The following BTBD1 variants were observed in gnomAD, a reference collection of about 807,000 sequenced individuals.
The protein encoded by BTBD1 is BTB/POZ domain-containing protein 1.
Under a neutral mutation model 48.0 loss-of-function variants are expected in BTBD1, and 34 were observed. The ratio of observed to expected loss-of-function variants is 0.71; its 90% confidence interval spans 0.54 to 0.94. The LOEUF (loss-of-function observed/expected upper bound fraction) is 0.94. Among genes scored for constraint, BTBD1 ranks in the 40% least tolerant of loss-of-function variants. BTBD1 has a pLI of 0.00. For missense variants in BTBD1, 543 were observed against 625.6 expected, an observed-to-expected ratio of 0.87 and a Z score of 1.41; for synonymous variants, 261 against 242.1, an observed-to-expected ratio of 1.08 and a Z score of -0.72.
At position 83,041,197 on chromosome 15, in the gene BTBD1, C is replaced by G. The variant is rs1475644670; in HGVS notation, c.862+531G>C. Among the ~76,000 whole-genome samples, 5 of 150,010 alleles carry G rather than the reference C, an allele frequency of 3.3e-5. 1 individual carries two copies. Among genetic ancestry groups the G allele is most frequent in the Admixed American group, 1.3e-4 (2 of 15,088 alleles). On this transcript the variant is annotated intron_variant, in intron 4 of 7. Coordinates refer to ENST00000261721, the MANE Select transcript of BTBD1 (RefSeq NM_025238.4). ...AAAAAAAAAAGCCAAAAAGATCTGT[C>G]ATAACCTGGGGTAAGGCACTCAACC...
In BTBD1 at chr15:83,067,081, C is replaced by CCCGCGGGGCCCGGCT. The variant is rs2033295487; in HGVS notation, c.56_70dup (p.Glu19_Ala23dup). The CCCGCGGGGCCCGGCT allele has an allele frequency of 6.5e-7, 1 of 1,531,716 alleles. No homozygotes were observed. The highest frequency in any genetic ancestry group is 8.7e-7 in the Non-Finnish European group (1 of 1,145,264). 94.9% of individuals were successfully genotyped at this position (1,531,716 alleles called of 1,614,324 possible). ...GGACGGTGAGGGCGGCGGCGGCGGC[C>CCCGCGGGGCCCGGCT]CCGCGGGGCCCGGCTCCGCCTCAGC... On this transcript the variant is annotated inframe_insertion, in exon 1 of 8. Transcript: ENST00000261721.
Position 83,018,198 on chromosome 15 carries a change from CT to C in BTBD1, c.1317del (p.Gly440AspfsTer2). 2 of 1,602,670 alleles carry C rather than the reference CT, an allele frequency of 1.2e-6. No homozygotes were observed. Among genetic ancestry groups the C allele is most frequent in the Non-Finnish European group, 1.7e-6 (2 of 1,175,120 alleles). ...LKGPDSHYGT[K>X]GLKKVVHETP... is the part of the protein sequence containing the mutation. Reference sequence around the variant, plus strand: ...GTCTCATGCACTACTTTCTTCAATCCTTTTGTGCCATAGTGGGAATCTGGAC... The same window carrying C: ...GTCTCATGCACTACTTTCTTCAATCCTTTGTGCCATAGTGGGAATCTGGAC... On this transcript the variant is annotated frameshift_variant, in exon 8 of 8. Transcript: ENST00000261721. LOFTEE classifies it high-confidence loss of function.
chr15:83,020,979 G>C (rs865965176), intron 5 of BTBD1, among the ~76,000 whole-genome samples: 1 of 152,184 alleles, frequency 6.6e-6, no homozygotes, highest in African/African-American at 2.4e-5. Flanking sequence ...TTTTGTAAAA[G>C]AATTTAACCT....
intron 3 of BTBD1, among the ~76,000 whole-genome samples, chr15:83,043,349 G>A (rs1596438052): frequency 6.6e-6 from 1 of 152,142 alleles, no homozygotes; most frequent in East Asian, 1.9e-4. Context: ...TGAGCAGGAG[G>A]GAAGAGTAGC....
At chr15:83,022,857 A>G (rs1450660646) in intron 5 of BTBD1, among the ~76,000 whole-genome samples, 1 of 152,034 alleles carries the variant, frequency 6.6e-6, no homozygotes, top group East Asian at 1.9e-4. Context: ...GCTACTCAGG[A>G]GGCTGAAGCA....
At chr15:83,029,246 A>G (rs543975305) in intron 5 of BTBD1, among the ~76,000 whole-genome samples, 5 of 152,360 alleles carry the variant, frequency 3.3e-5, no homozygotes, top group African/African-American at 1.2e-4. Flanking sequence ...TTTTATACTG[A>G]AGTGCTATTA....
intron 5 of BTBD1, among the ~76,000 whole-genome samples, chr15:83,023,930 C>T (rs929588722): frequency 2.0e-5 from 3 of 152,130 alleles, no homozygotes; most frequent in Admixed American, 6.5e-5. Flanking sequence ...TGCAATGGCA[C>T]GATCTCGGCT....
At position 83,030,372 on chromosome 15, in the gene BTBD1, C is replaced by T. The variant is rs559906250; in HGVS notation, c.863-44G>A. On this transcript the variant is annotated intron_variant, in intron 4 of 7. Transcript: ENST00000261721. ...AAGCCTAAAAAAAGGAATTTGATTT[C>T]AATTCCTAACTTTGGAATTCACTTA... 5.5e-5 allele frequency: 83 copies of T among 1,496,974 alleles called. 1 individual carries two copies. In the South Asian group the frequency reaches 9.8e-4, roughly 18 times the overall value. 92.7% of individuals were successfully genotyped at this position (1,496,974 alleles called of 1,614,324 possible).
In BTBD1 at chr15:83,018,208, ATAGT is replaced by A. The variant is rs1260939249; in HGVS notation, c.1304_1307del (p.His435LeufsTer6). ...CTACTTTCTTCAATCCTTTTGTGCC[ATAGT>A]GGGAATCTGGACCCTAAATGAGAAC... On this transcript the variant is annotated frameshift_variant, in exon 8 of 8. Coordinates refer to ENST00000261721, the MANE Select transcript of BTBD1 (RefSeq NM_025238.4). LOFTEE classifies it high-confidence loss of function. 1 of 1,597,906 alleles carries A rather than the reference ATAGT, an allele frequency of 6.3e-7. No homozygotes were observed. The highest frequency in any genetic ancestry group is 8.5e-7 in the Non-Finnish European group (1 of 1,173,066).
At chr15:83,063,907 T>C (rs909271279) in intron 1 of BTBD1, among the ~76,000 whole-genome samples, 10 of 152,222 alleles carry the variant, frequency 6.6e-5, no homozygotes, top group African/African-American at 2.2e-4. Flanking sequence ...CTTGACATTG[T>C]ATCTTTAGTT....
intron 4 of BTBD1, among the ~76,000 whole-genome samples, chr15:83,033,100 C>T (rs2032556579): frequency 1.3e-5 from 2 of 151,950 alleles, no homozygotes; most frequent in South Asian, 4.2e-4. Flanking sequence ...CAGTGTGCCC[C>T]TCTAGTCCCA....
At chr15:83,036,887 AG>A (rs2032640387) in intron 4 of BTBD1, among the ~76,000 whole-genome samples, 1 of 152,198 alleles carries the variant, frequency 6.6e-6, no homozygotes, top group Admixed American at 6.5e-5. Flanking sequence ...GAAGACAGAA[AG>A]TAGTCACCTT....
At chr15:83,029,052 A>G (rs1001088993) in intron 5 of BTBD1, among the ~76,000 whole-genome samples, 4 of 152,162 alleles carry the variant, frequency 2.6e-5, no homozygotes, top group African/African-American at 4.8e-5. Context: ...TACTACAAGT[A>G]GTTAATTATT....
At chr15:83,035,359 T>C (rs1174351198) in intron 4 of BTBD1, among the ~76,000 whole-genome samples, 1 of 152,014 alleles carries the variant, frequency 6.6e-6, no homozygotes, top group Non-Finnish European at 1.5e-5. Context: ...AAAGCAGATA[T>C]CAACAAATTT....
At chr15:83,059,199 T>C (rs1389898129) in intron 1 of BTBD1, among the ~76,000 whole-genome samples, 2 of 152,122 alleles carry the variant, frequency 1.3e-5, no homozygotes, top group Admixed American at 6.6e-5. Flanking sequence ...TTTTAATCTA[T>C]AAATAATTAC....
intron 2 of BTBD1, among the ~76,000 whole-genome samples, chr15:83,052,121 TA>T (rs2032999420): frequency 6.6e-6 from 1 of 152,132 alleles, no homozygotes. Context: ...CACACCCACC[TA>T]ATCTTTGAAT....
intron 4 of BTBD1, among the ~76,000 whole-genome samples, chr15:83,040,788 G>A (rs1197593967): frequency 1.3e-5 from 2 of 150,096 alleles, no homozygotes; most frequent in African/African-American, 4.9e-5. Flanking sequence ...AGTCAATTAT[G>A]ACCTGGGTAA....
rs75526536 is a variant in BTBD1 at position 83,023,706 on chromosome 15, A to C, written c.1056-2944T>G. On this transcript the variant is annotated intron_variant, in intron 5 of 7. Transcript: ENST00000261721. ...CACCCAGTCAAAAGGCACAGTCTTA[A>C]GGCTTTAGGTAAACATTGTCAAGTT... is the stretch of plus-strand genomic sequence containing the variant. Among the ~76,000 whole-genome samples the C allele has an allele frequency of 3.6e-3, 549 of 152,282 alleles. 1 individual carries two copies. Among genetic ancestry groups the C allele is most frequent in the African/African-American group, 0.013 (529 of 41,544 alleles).
At chr15:83,066,719 CCCGG>C in intron 1 of BTBD1, 28 bp downstream of exon 1, 1 of 1,274,522 alleles carries the variant, frequency 7.8e-7, no homozygotes, top group East Asian at 3.2e-5. Context: ...CCCGGCCCGG[CCCGG>C]CCCGGCCCGG....
Sources: allele counts gnomAD v4.1 joint callset (sites outside exome capture counted in the v4.1 genomes callset), GRCh38; gene constraint gnomAD v4.1.1; transcripts MANE v1.5; gene names NCBI Gene and HGNC (gene_info 2026-07-23, HGNC 2026-07-21).